Variants in SUPT4H1 observed in about 807,000 individuals in gnomAD.
SUPT4H1 encodes SPT4 homolog, DSIF elongation factor subunit.
SUPT4H1 carries 12 observed loss-of-function variants against 19.4 expected under a neutral mutation model. The observed-to-expected ratio is 0.62, with a 90% CI of 0.40 to 1.00. SUPT4H1 has a LOEUF of 1.00. Ranked by LOEUF, SUPT4H1 falls within the 50% of genes least tolerant of loss-of-function variation. SUPT4H1 has a pLI of 0.00. For missense variants in SUPT4H1, 115 were observed against 149.2 expected (o/e 0.77, Z 1.19); for synonymous variants, 58 against 56.3 (o/e 1.03, Z -0.14).
rs115380129 is a variant in SUPT4H1, at chr17:58,349,583, T to C, written c.176+1819A>G. Reference sequence around the variant, plus strand: ...GCAGGGACTTGAACACATATTTGTATACCAATGTTCACAGCAGTATTATTC... The same window carrying C: ...GCAGGGACTTGAACACATATTTGTACACCAATGTTCACAGCAGTATTATTC... On this transcript the variant is annotated intron_variant, in intron 2 of 4. Coordinates refer to ENST00000225504, the MANE Select transcript of SUPT4H1 (RefSeq NM_003168.3). Among the ~76,000 whole-genome samples, 801 of 152,352 alleles carry C rather than the reference T, an allele frequency of 5.3e-3. 7 individuals are homozygous for C. The highest frequency in any genetic ancestry group is 0.018 in the African/African-American group (768 of 41,584).
chr17:58,351,366 A>G (rs778216581), intron 2 of SUPT4H1, 36 bp downstream of exon 2: 20 of 1,466,392 alleles, frequency 1.4e-5, no homozygotes, highest in Non-Finnish European at 1.9e-5. Context: ...AGGTTGGGTA[A>G]TGCAGAAGTG....
At chr17:58,351,774 G>T (rs1355273670) in intron 1 of SUPT4H1, 1 of 569,702 alleles carries the variant, frequency 1.8e-6, no homozygotes. Flanking sequence ...TACTCACTCA[G>T]CAGCGGATCC....
At chr17:58,351,823 G>C (rs946338137) in intron 1 of SUPT4H1, 47 of 576,112 alleles carry the variant, frequency 8.2e-5, no homozygotes, top group Non-Finnish European at 1.4e-4. Context: ...CGGCTCCAAC[G>C]TAAGTTCACC....
At chr17:58,346,402 A>G (rs1972289107) in intron 4 of SUPT4H1, 89 bp from the exon 5 acceptor site, 4 of 1,029,890 alleles carry the variant, frequency 3.9e-6, no homozygotes, top group South Asian at 1.3e-5. Flanking sequence ...GGGTACTATA[A>G]GCAAACTGGA....
intron 2 of SUPT4H1, among the ~76,000 whole-genome samples, chr17:58,349,175 T>C (rs1444843553): frequency 2.0e-5 from 3 of 152,274 alleles, no homozygotes; most frequent in Non-Finnish European, 4.4e-5. Flanking sequence ...TGAACTATCA[T>C]ATGATCTAGC....
intron 3 of SUPT4H1, 105 bp downstream of exon 3, chr17:58,347,424 T>C (rs1353624352): frequency 2.7e-6 from 4 of 1,460,314 alleles, no homozygotes; most frequent in Non-Finnish European, 3.8e-6. Flanking sequence ...ACCCGATCTT[T>C]CCCACCCTGA....
chr17:58,351,106 A>G (rs564174591), intron 2 of SUPT4H1, among the ~76,000 whole-genome samples: 1 of 152,182 alleles, frequency 6.6e-6, no homozygotes, highest in East Asian at 1.9e-4. Flanking sequence ...GTATGTCCCA[A>G]AATAACTGTT....
At chr17:58,351,370 A>T in intron 2 of SUPT4H1, 32 bp downstream of exon 2, 1 of 1,499,898 alleles carries the variant, frequency 6.7e-7, no homozygotes, top group Non-Finnish European at 9.3e-7. Flanking sequence ...TGGGTAATGC[A>T]GAAGTGAATG....
intron 1 of SUPT4H1, 34 bp from the exon 2 acceptor site, chr17:58,351,542 G>T (rs1285364009): frequency 4.8e-6 from 7 of 1,444,684 alleles, no homozygotes; most frequent in Non-Finnish European, 6.8e-6. Context: ...GAAAAGGAGA[G>T]ATAAGCATGA....
intron 1 of SUPT4H1, 118 bp downstream of exon 1, chr17:58,351,949 C>G: frequency 9.2e-7 from 1 of 1,083,740 alleles, no homozygotes; most frequent in South Asian, 1.4e-5. Context: ...CTCACTCCCC[C>G]TGCCACCTCT....
At chr17:58,350,883 C>CCAT (rs1972487889) in intron 2 of SUPT4H1, among the ~76,000 whole-genome samples, 2 of 149,960 alleles carry the variant, frequency 1.3e-5, no homozygotes, top group Non-Finnish European at 3.0e-5. Flanking sequence ...CAATGATCTA[C>CCAT]CATTACTACA....
At position 58,347,664 on chromosome 17, in the gene SUPT4H1, A is replaced by C. The variant is rs1037947600; in HGVS notation, c.177-80T>G. On this transcript the variant is annotated intron_variant, in intron 2 of 4. Coordinates refer to ENST00000225504, the MANE Select transcript of SUPT4H1 (RefSeq NM_003168.3). Reference sequence around the variant, plus strand: ...AATTCTGAGAGAGGAATCTAGGAAAAAGCCAAGTACCGAGTCTCCACTGGA... The same window carrying C: ...AATTCTGAGAGAGGAATCTAGGAAACAGCCAAGTACCGAGTCTCCACTGGA... 4 of 1,431,072 alleles carry C rather than the reference A, an allele frequency of 2.8e-6. No individual in the cohort carries two copies. The African/African-American group carries it at 5.6e-5, about 20-fold the overall frequency. 88.6% of individuals were successfully genotyped at this position (1,431,072 alleles called of 1,614,324 possible).
intron 2 of SUPT4H1, among the ~76,000 whole-genome samples, chr17:58,349,488 A>G (rs1380240287): frequency 6.6e-6 from 1 of 152,192 alleles, no homozygotes; most frequent in Non-Finnish European, 1.5e-5. Flanking sequence ...TATATTTTCA[A>G]CTTATGATGG....
At chr17:58,347,402 G>T in intron 3 of SUPT4H1, 127 bp downstream of exon 3, 1 of 1,369,858 alleles carries the variant, frequency 7.3e-7, no homozygotes. Flanking sequence ...CTGCTTCCCT[G>T]TGTTTCCTAC....
intron 2 of SUPT4H1, among the ~76,000 whole-genome samples, chr17:58,350,078 T>A (rs1972439065): frequency 6.6e-6 from 1 of 151,004 alleles, no homozygotes; most frequent in South Asian, 2.1e-4. Flanking sequence ...AGGTCAGGAG[T>A]TCGAGACCAG....
At chr17:58,348,510 G>A (rs1179532958) in intron 2 of SUPT4H1, among the ~76,000 whole-genome samples, 1 of 152,150 alleles carries the variant, frequency 6.6e-6, no homozygotes, top group African/African-American at 2.4e-5. Flanking sequence ...GCAGCCTGAT[G>A]GGAGATAGGC....
At position 58,345,184 on chromosome 17, in the gene SUPT4H1, A is replaced by C. The variant is rs952321559; in HGVS notation, c.*1062T>G. Reference sequence around the variant, plus strand: ...TGAAAAATGGCCCAAAAAGGAGAGCAAAAGTATTTCACCTTTATAATACTT... The same window carrying C: ...TGAAAAATGGCCCAAAAAGGAGAGCCAAAGTATTTCACCTTTATAATACTT... On this transcript the variant is annotated 3_prime_UTR_variant, in exon 5 of 5. Transcript: ENST00000225504. 2 of 152,206 alleles carry C rather than the reference A, an allele frequency of 1.3e-5. No individual in the cohort carries two copies. The highest frequency in any genetic ancestry group is 4.8e-5 in the African/African-American group (2 of 41,438). The allele number at this position is 152,206 out of a possible 1,614,324, so 9.4% of individuals were successfully genotyped here.
rs114294808 is a variant in SUPT4H1 at position 58,347,326 on chromosome 17, T to C, written c.233-85A>G. ...ATGGAAGCTTAAGCTAAAGAAGTGATGCAACTCCAAGAGAAGAGCTATTCC... is the reference window on the plus strand; with the variant it reads ...ATGGAAGCTTAAGCTAAAGAAGTGACGCAACTCCAAGAGAAGAGCTATTCC... On this transcript the variant is annotated intron_variant, in intron 3 of 4. Transcript: ENST00000225504. 1,476 of 1,486,258 alleles carry C rather than the reference T, an allele frequency of 9.9e-4. 16 individuals carry two copies. The African/African-American group carries it at 0.018, about 19-fold the overall frequency. The allele number at this position is 1,486,258 out of a possible 1,614,324, so 92.1% of individuals were successfully genotyped here.
chr17:58,347,532 C>T lies in SUPT4H1; in HGVS notation c.229G>A (p.Val77Ile). The T allele has an allele frequency of 6.2e-7, 1 of 1,614,224 alleles. No homozygotes were observed. The highest frequency in any genetic ancestry group is 1.3e-5 in the African/African-American group (1 of 75,054). Reference sequence around the variant, plus strand: ...AAGGAGACAGGCCAACACTTACTGACTCGCTGCCACTTGGAGACCCAGCTG... The same window carrying T: ...AAGGAGACAGGCCAACACTTACTGATTCGCTGCCACTTGGAGACCCAGCTG... ...EDSWVSKWQR[V>I]SNFKPGVYAV... is the part of the protein sequence containing the mutation. Residue 77 changes from valine (V) to isoleucine (I), a missense_variant, in exon 3 of 5, where the codon GTC becomes ATC. Physicochemically the swap from Val to Ile is conservative, Grantham distance 29. Transcript: ENST00000225504.
Sources: allele counts gnomAD v4.1 joint callset (sites outside exome capture counted in the v4.1 genomes callset), GRCh38; gene constraint gnomAD v4.1.1; transcripts MANE v1.5; gene names NCBI Gene and HGNC (gene_info 2026-07-23, HGNC 2026-07-21).